The following TRANK1 variants were observed in gnomAD, a reference collection of about 807,000 sequenced individuals.
TRANK1 encodes tetratricopeptide repeat and ankyrin repeat containing 1, also known as TPR and ankyrin repeat-containing protein 1.
A neutral mutation model predicts 266.0 loss-of-function variants in TRANK1; 198 were observed. The observed-to-expected ratio is 0.74, with a 90% confidence interval of 0.66 to 0.84. The LOEUF (loss-of-function observed/expected upper bound fraction) is 0.84. Among genes scored for constraint, TRANK1 ranks in the 40% least tolerant of loss-of-function variants. The probability of loss-of-function intolerance (pLI) is 0.00; values close to 1 mark genes in which losing one functional copy is unlikely to be tolerated. For synonymous variants in TRANK1, 1,396 were observed against 1,384.1 expected, an observed-to-expected ratio of 1.01 and a Z score of -0.19; for missense variants, 3,326 against 3,634.6, an observed-to-expected ratio of 0.92 and a Z score of 2.18.
Position 36,938,803 on chromosome 3 carries a change from C to T in TRANK1, c.23+5984G>A, listed in dbSNP as rs570364013. Among the ~76,000 whole-genome samples, 3 of 151,774 alleles carry T rather than the reference C, an allele frequency of 2.0e-5. No homozygotes were observed. In the East Asian group the frequency reaches 5.8e-4, roughly 30 times the overall value. On this transcript the variant is annotated intron_variant, in intron 1 of 23. Transcript: ENST00000645898. ...GTGAAATCTGATTTCTACCAAAATACAAAAAATTTAGCGGAGGGTGGTGGC... is the reference window on the plus strand; with the variant it reads ...GTGAAATCTGATTTCTACCAAAATATAAAAAATTTAGCGGAGGGTGGTGGC...
At chr3:36,879,789 A>AATATATAAATATACAAAT (rs1303870430) in intron 8 of TRANK1, among the ~76,000 whole-genome samples, 4 of 67,396 alleles carry the variant, frequency 5.9e-5, no homozygotes, top group African/African-American at 1.4e-4. Context: ...TAAATATGTA[A>AATATATAAATATACAAAT]ATATATAAAT....
At chr3:36,915,795 G>A (rs950504535) in intron 1 of TRANK1, among the ~76,000 whole-genome samples, 1 of 152,212 alleles carries the variant, frequency 6.6e-6, no homozygotes. Context: ...CAAGTCTGTT[G>A]GAATTGACAT....
chr3:36,892,055 C>T (rs2079704758), intron 7 of TRANK1, 147 bp downstream of exon 7: 3 of 1,070,168 alleles, frequency 2.8e-6, no homozygotes, highest in East Asian at 2.7e-5. Context: ...TTTCCTGCTG[C>T]TTCATTCATT....
At chr3:36,915,044 C>T (rs1005698372) in intron 1 of TRANK1, among the ~76,000 whole-genome samples, 3 of 152,126 alleles carry the variant, frequency 2.0e-5, no homozygotes, top group Non-Finnish European at 2.9e-5. Context: ...CTCCGCCTCC[C>T]GGGTTCACGC....
upstream of TRANK1, among the ~76,000 whole-genome samples, chr3:36,945,722 G>A (rs2080564549): frequency 6.6e-6 from 1 of 152,178 alleles, no homozygotes; most frequent in African/African-American, 2.4e-5. Flanking sequence ...GGTCTTCACA[G>A]CTTCTCTGGG....
chr3:36,934,823 G>A (rs774647016), intron 1 of TRANK1, among the ~76,000 whole-genome samples: 5 of 152,104 alleles, frequency 3.3e-5, no homozygotes, highest in South Asian at 2.1e-4. Context: ...AGCTGTTCTC[G>A]AGCTCATTCC....
chr3:36,841,762 A>T (rs2078847338), intron 18 of TRANK1, among the ~76,000 whole-genome samples: 1 of 152,248 alleles, frequency 6.6e-6, no homozygotes, highest in African/African-American at 2.4e-5. Context: ...CACAGGAGCC[A>T]TTAGGCAACC....
rs765864322 is a variant in TRANK1 at position 36,829,546 on chromosome 3, AC to A, written c.8809+17del. The A allele has an allele frequency of 1.2e-6, 2 of 1,613,590 alleles. No homozygotes were observed. The highest frequency in any genetic ancestry group is 2.7e-5 in the African/African-American group (2 of 75,008). On this transcript the variant is annotated intron_variant, in intron 23 of 23. Coordinates refer to ENST00000645898, the MANE Select transcript of TRANK1 (RefSeq NM_001329998.2). ...AGGACCCAAAGTGTTACCTGTCCCCACAATCAAGACTCCTTACCTTCCTTCT... is the reference window on the plus strand; with the variant it reads ...AGGACCCAAAGTGTTACCTGTCCCCAAATCAAGACTCCTTACCTTCCTTCT...
Position 36,944,974 on chromosome 3 carries a change from C to T in TRANK1, c.-165G>A. On this transcript the variant is annotated 5_prime_UTR_variant, in exon 1 of 24. Coordinates refer to ENST00000645898, the MANE Select transcript of TRANK1 (RefSeq NM_001329998.2). Reference sequence around the variant, plus strand: ...CGGGGGCCCCCAGCTGCCTGCGGCTCGGCTACCCAGCCGCGATCAGAGGGG... The same window carrying T: ...CGGGGGCCCCCAGCTGCCTGCGGCTTGGCTACCCAGCCGCGATCAGAGGGG... The T allele has an allele frequency of 1.7e-6, 1 of 603,286 alleles. No individual in the cohort carries two copies. The allele number at this position is 603,286 out of a possible 1,614,324, so 37.4% of individuals were successfully genotyped here. A position where few individuals can be genotyped will look rare whatever the true frequency, so the allele number is the denominator to read the frequency against.
At chr3:36,892,567 C>A (rs564392221) in intron 6 of TRANK1, among the ~76,000 whole-genome samples, 1 of 152,274 alleles carries the variant, frequency 6.6e-6, no homozygotes, top group South Asian at 2.1e-4. Flanking sequence ...CAGTGATTCA[C>A]GCCTATAATC....
rs1559448991 is a variant in TRANK1 at position 36,879,842 on chromosome 3, A to ATATATGTAAATATACAAG, written c.908-5547_908-5546insCTTGTATATTTACATATA. 8.8e-5 allele frequency among the ~76,000 whole-genome samples: 10 copies of ATATATGTAAATATACAAG among 114,248 alleles called. 3 individuals carry two copies. The South Asian group carries it at 2.1e-3, about 24-fold the overall frequency. The allele number at this position is 114,248 out of a possible 152,430, so 75.0% of individuals were successfully genotyped here. Reference sequence around the variant, plus strand: ...TATACAAATATATGTAAATATACAAATATATGTAAATATACAAATATATGT... The same window carrying ATATATGTAAATATACAAG: ...TATACAAATATATGTAAATATACAAATATATGTAAATATACAAGTATATGTAAATATACAAATATATGT... On this transcript the variant is annotated intron_variant, in intron 8 of 23. Coordinates refer to ENST00000645898, the MANE Select transcript of TRANK1 (RefSeq NM_001329998.2).
chr3:36,907,005 T>C (rs2079978721), intron 2 of TRANK1, among the ~76,000 whole-genome samples: 2 of 152,356 alleles, frequency 1.3e-5, no homozygotes, highest in African/African-American at 2.4e-5. Context: ...TGACATGTGA[T>C]ATTGCAACAG....
intron 1 of TRANK1, among the ~76,000 whole-genome samples, chr3:36,938,666 AAC>A (rs1403282559): frequency 1.3e-5 from 2 of 151,972 alleles, no homozygotes; most frequent in Non-Finnish European, 2.9e-5. Flanking sequence ...TTCTAAATAA[AAC>A]ACAGAGCTGG....
In TRANK1 at chr3:36,845,114, C is replaced by T. The variant is rs142569191; in HGVS notation, c.5191+1134G>A. Among the ~76,000 whole-genome samples, 318 of 152,102 alleles carry T rather than the reference C, an allele frequency of 2.1e-3. 2 individuals are homozygous for T. Among genetic ancestry groups the T allele is most frequent in the African/African-American group, 7.2e-3 (297 of 41,498 alleles). ...AAGAAGGTGAAAAGTAAAAAGTGTC[C>T]ATATCTACTCGACAACCCCATACCC... On this transcript the variant is annotated intron_variant, in intron 17 of 23. Coordinates refer to ENST00000645898, the MANE Select transcript of TRANK1 (RefSeq NM_001329998.2).
At position 36,831,333 on chromosome 3, in the gene TRANK1, C is replaced by A. The variant is rs777168111; in HGVS notation, c.8250G>T (p.Glu2750Asp). Residue 2750 changes from glutamate to aspartate, a missense_variant, in exon 22 of 24, where the codon GAG becomes GAT. Coordinates refer to ENST00000645898, the MANE Select transcript of TRANK1 (RefSeq NM_001329998.2). This position sits in a 1 kb window ranked among gnomAD's most constrained non-coding sequence, Gnocchi z 5.0. ...AGTTCCCAGCCCTGGGCTCCCTGGC[C>A]TCCTCCCTGACACGCTCCATCTGGG... Reference protein sequence around the residue: ...VGTQMERVREEAREPRAGNFK... With the variant: ...VGTQMERVREDAREPRAGNFK... 5 of 1,613,570 alleles carry A rather than the reference C, an allele frequency of 3.1e-6. No individual in the cohort carries two copies. Among genetic ancestry groups the A allele is most frequent in the Admixed American group, 1.7e-5 (1 of 59,968 alleles).
chr3:36,847,912 A>C (rs778032407), intron 15 of TRANK1, among the ~76,000 whole-genome samples: 3 of 152,230 alleles, frequency 2.0e-5, no homozygotes, highest in East Asian at 1.9e-4. Flanking sequence ...GAGAATAATA[A>C]TACTCAACTT....
intron 2 of TRANK1, among the ~76,000 whole-genome samples, chr3:36,907,910 G>C (rs2079996665): frequency 6.6e-6 from 1 of 152,192 alleles, no homozygotes; most frequent in African/African-American, 2.4e-5. Flanking sequence ...CAATGTTTGA[G>C]AACAGGTCTG....
intron 5 of TRANK1, among the ~76,000 whole-genome samples, chr3:36,894,725 C>G (rs554261285): frequency 1.3e-5 from 2 of 152,318 alleles, no homozygotes; most frequent in Admixed American, 6.5e-5. Context: ...TAAGAATTCT[C>G]TATTCTAAAG....
At chr3:36,868,826 T>C (rs2079264039) in intron 9 of TRANK1, among the ~76,000 whole-genome samples, 1 of 152,232 alleles carries the variant, frequency 6.6e-6, no homozygotes, top group African/African-American at 2.4e-5. Context: ...GGCACTGTCC[T>C]GGTGCTGAGC....
Sources: gnomAD v4.1 joint callset for allele counts (sites outside exome capture counted in the v4.1 genomes callset) on GRCh38, gnomAD v4.1.1 for gene constraint, Gnocchi (gnomAD v3.1) non-coding constraint, MANE v1.5 for transcripts, NCBI Gene and HGNC (gene_info 2026-07-23, HGNC 2026-07-21) for gene names.